Variants in METTL15 observed in about 807,000 individuals in gnomAD.
The protein encoded by METTL15 is 12S rRNA N(4)-cytidine methyltransferase METTL15.
A neutral mutation model predicts 38.3 loss-of-function variants in METTL15; 34 were observed. The observed-to-expected ratio is 0.89, with a 90% CI of 0.68 to 1.18. The LOEUF (loss-of-function observed/expected upper bound fraction) is 1.18. METTL15 is among the 50% of genes most tolerant of loss of function. The pLI, the probability that METTL15 is intolerant of heterozygous loss-of-function variation, is 0.00. For synonymous variants in METTL15, 162 were observed against 170.9 expected (o/e 0.95, Z 0.41); for missense variants, 438 against 498.4 (o/e 0.88, Z 1.15).
intron 3 of METTL15, among the ~76,000 whole-genome samples, chr11:28,181,314 T>G (rs1269927471): frequency 6.7e-6 from 1 of 150,092 alleles, no homozygotes; most frequent in Non-Finnish European, 1.5e-5. Flanking sequence ...ACGTGCAGGT[T>G]TGTTACATAG....
chr11:28,232,855 A>G (rs1193472315), intron 4 of METTL15, among the ~76,000 whole-genome samples: 1 of 151,976 alleles, frequency 6.6e-6, no homozygotes, highest in African/African-American at 2.4e-5. Flanking sequence ...GCATCCCCAG[A>G]AAGCTCGTCA....
At position 28,158,561 on chromosome 11, in the gene METTL15, T is replaced by C. The variant is rs150300883; in HGVS notation, c.270+44957T>C. Among the ~76,000 whole-genome samples, 289 of 152,266 alleles carry C rather than the reference T, an allele frequency of 1.9e-3. 6 individuals are homozygous for C. The East Asian group carries it at 0.053, about 28-fold the overall frequency. ...ATATTGGACTTCTTCCATCATGGAA[T>C]GGGCAGAGGTTTGTCCTCACTGGAA... On this transcript the variant is annotated intron_variant, in intron 3 of 6. Transcript: ENST00000407364.
At chr11:28,157,305 C>G (rs982568611) in intron 3 of METTL15, among the ~76,000 whole-genome samples, 1 of 152,124 alleles carries the variant, frequency 6.6e-6, no homozygotes, top group Non-Finnish European at 1.5e-5. Flanking sequence ...GAGTGGGGAC[C>G]AGAACAACAG....
chr11:28,430,631 C>A (rs1262782465), intron 6 of METTL15, among the ~76,000 whole-genome samples: 12 of 63,312 alleles, frequency 1.9e-4, no homozygotes, highest in East Asian at 5.2e-4. Flanking sequence ...CCAGCCACCC[C>A]GTCTGGGAGG....
At chr11:28,411,142 G>T (rs1017860613) in intron 5 of METTL15, among the ~76,000 whole-genome samples, 14 of 151,856 alleles carry the variant, frequency 9.2e-5, no homozygotes, top group African/African-American at 3.1e-4. Context: ...TGAATAAGAA[G>T]AATTAATATT....
chr11:28,483,549 G>C (rs1477619626), intron 6 of METTL15, among the ~76,000 whole-genome samples: 3 of 152,048 alleles, frequency 2.0e-5, no homozygotes, highest in African/African-American at 7.2e-5. Context: ...TTTAAAGGAG[G>C]GATCTGCAAA....
intron 5 of METTL15, among the ~76,000 whole-genome samples, chr11:28,411,788 A>T (rs4923538): frequency 1.3e-5 from 2 of 152,106 alleles, no homozygotes; most frequent in Admixed American, 1.3e-4. Context: ...ACCACAATCA[A>T]CAAAATGAAA....
intron 6 of METTL15, among the ~76,000 whole-genome samples, chr11:28,487,210 A>G (rs1422035202): frequency 6.6e-6 from 1 of 152,192 alleles, no homozygotes; most frequent in Non-Finnish European, 1.5e-5. Flanking sequence ...TTAGAAATGT[A>G]TTCTAAGAGA....
At chr11:28,517,691 AACTGTCATTGCCATTT>A (rs1851730918) in intron 6 of METTL15, among the ~76,000 whole-genome samples, 2 of 152,160 alleles carry the variant, frequency 1.3e-5, no homozygotes, top group Admixed American at 6.5e-5. Flanking sequence ...TTCCATTCTC[AACTGTCATTGCCATTT>A]ACTTTGGCAA....
chr11:28,221,465 A>AT (rs1161701941), intron 4 of METTL15, among the ~76,000 whole-genome samples: 5 of 151,420 alleles, frequency 3.3e-5, no homozygotes, highest in Non-Finnish European at 7.4e-5. Context: ...CATTCATCTA[A>AT]TTTTTTTTCA....
At chr11:28,482,575 A>G (rs575402956) in intron 6 of METTL15, among the ~76,000 whole-genome samples, 2 of 152,296 alleles carry the variant, frequency 1.3e-5, no homozygotes, top group East Asian at 3.9e-4. Context: ...TTCCTCTTCC[A>G]TTGTGTATTA....
At chr11:28,285,435 C>T (rs932450112) in intron 4 of METTL15, among the ~76,000 whole-genome samples, 33 of 150,656 alleles carry the variant, frequency 2.2e-4, no homozygotes, top group Non-Finnish European at 4.0e-4. Context: ...GACAATTTTT[C>T]GTCTTCCAGT....
intron 3 of METTL15, among the ~76,000 whole-genome samples, chr11:28,207,325 T>C (rs1454461611): frequency 2.0e-5 from 3 of 152,168 alleles, no homozygotes; most frequent in South Asian, 2.1e-4. Context: ...TGAAGGGCTG[T>C]TGAATTTTGT....
chr11:28,183,996 G>A (rs1159941101), intron 3 of METTL15, among the ~76,000 whole-genome samples: 1 of 152,032 alleles, frequency 6.6e-6, no homozygotes, highest in Non-Finnish European at 1.5e-5. Context: ...GAGGGTGTGT[G>A]TGTCCAGGAA....
intron 4 of METTL15, among the ~76,000 whole-genome samples, chr11:28,281,432 A>G (rs767009065): frequency 3.3e-4 from 51 of 152,280 alleles, no homozygotes; most frequent in Non-Finnish European, 6.3e-4. Context: ...TAAGTAGGCC[A>G]TTAGTGGAAT....
intron 6 of METTL15, among the ~76,000 whole-genome samples, chr11:28,461,237 A>T (rs551801279): frequency 6.6e-6 from 1 of 152,178 alleles, no homozygotes; most frequent in East Asian, 1.9e-4. Context: ...TTCTTCCCTA[A>T]TTAAAGTTAA....
chr11:28,508,235 TTGTTTTCTCCTTCCTGTCAGTAGTA>T (rs1262620676), intron 6 of METTL15, among the ~76,000 whole-genome samples: 1 of 152,216 alleles, frequency 6.6e-6, no homozygotes, highest in Non-Finnish European at 1.5e-5. Flanking sequence ...TGGTCAGTTT[TTGTTTTCTCCTTCCTGTCAGTAGTA>T]TGTAAAGCCT....
chr11:28,462,947 G>T (rs1260405876), intron 6 of METTL15, among the ~76,000 whole-genome samples: 1 of 152,062 alleles, frequency 6.6e-6, no homozygotes, highest in East Asian at 1.9e-4. Context: ...GAATCAACAA[G>T]ACTTCATGGC....
At chr11:28,312,654 T>C (rs1247436525) in intron 6 of METTL15, among the ~76,000 whole-genome samples, 1 of 152,164 alleles carries the variant, frequency 6.6e-6, no homozygotes, top group Non-Finnish European at 1.5e-5. Flanking sequence ...ATGTATTTGG[T>C]TCATGGTTCT....
Sources: gnomAD v4.1 joint callset for allele counts (sites outside exome capture counted in the v4.1 genomes callset) on GRCh38, gnomAD v4.1.1 for gene constraint, MANE v1.5 for transcripts, NCBI Gene and HGNC (gene_info 2026-07-23, HGNC 2026-07-21) for gene names.